The following CAMKMT variants were observed in gnomAD, a reference collection of about 807,000 sequenced individuals.
The protein encoded by CAMKMT is CaM KMT.
Under a neutral mutation model 48.0 loss-of-function variants are expected in CAMKMT, and 53 were observed. That is an observed-to-expected ratio of 1.10 (90% confidence interval 0.89 to 1.39). CAMKMT has a LOEUF of 1.39. Among genes scored for constraint, CAMKMT ranks in the 40% most tolerant of loss-of-function variants. CAMKMT has a pLI of 0.00. For missense variants in CAMKMT, 428 were observed against 402.7 expected (o/e 1.06, Z -0.54); for synonymous variants, 165 against 152.3 (o/e 1.08, Z -0.61).
chr2:44,391,764 C>G (rs533411233), intron 3 of CAMKMT: 1 of 153,096 alleles, frequency 6.5e-6, no homozygotes, highest in Admixed American at 6.5e-5. Flanking sequence ...GAATGACTGT[C>G]TTAGCCTTCT....
intron 4 of CAMKMT, chr2:44,705,181 T>C (rs1677483163): frequency 5.7e-6 from 1 of 174,544 alleles, no homozygotes; most frequent in Non-Finnish European, 1.1e-5. Context: ...CCAACCAGTC[T>C]ACAATTGCTT....
At chr2:44,395,133 T>C in intron 3 of CAMKMT, 3 of 361,864 alleles carry the variant, frequency 8.3e-6, no homozygotes, top group South Asian at 6.2e-5. Flanking sequence ...AGTTTTTCTG[T>C]TTCATTGTTG....
At chr2:44,666,670 G>A (rs72867802) in intron 3 of CAMKMT, among the ~76,000 whole-genome samples, 1,969 of 149,614 alleles carry the variant, frequency 0.013, 21 homozygotes, top group African/African-American at 0.034. Flanking sequence ...GGAATGCAGT[G>A]GCACAGTCTC....
At chr2:44,548,585 T>C (rs1667531785) in intron 3 of CAMKMT, among the ~76,000 whole-genome samples, 1 of 152,188 alleles carries the variant, frequency 6.6e-6, no homozygotes, top group Middle Eastern at 3.2e-3. Flanking sequence ...CAGTTGACCA[T>C]AAAGCAGTGA....
At chr2:44,374,312 G>C (rs1483577734) in intron 2 of CAMKMT, among the ~76,000 whole-genome samples, 1 of 152,108 alleles carries the variant, frequency 6.6e-6, no homozygotes, top group Non-Finnish European at 1.5e-5. Flanking sequence ...TGCTTACTCT[G>C]TGTCAGGTAC....
intron 3 of CAMKMT, among the ~76,000 whole-genome samples, chr2:44,488,980 C>A (rs866677667): frequency 2.0e-5 from 3 of 151,760 alleles, no homozygotes; most frequent in African/African-American, 7.3e-5. Flanking sequence ...ATCCTCCTGT[C>A]CCCCCGTCCT....
intron 2 of CAMKMT, among the ~76,000 whole-genome samples, chr2:44,376,927 G>C (rs786626): frequency 0.53 from 80,046 of 151,894 alleles, 23,453 homozygotes; most frequent in Non-Finnish European, 0.66. Flanking sequence ...CAAATTACGT[G>C]TTGAGAGTTA....
At chr2:44,601,718 A>G (rs992320972) in intron 3 of CAMKMT, among the ~76,000 whole-genome samples, 19 of 151,876 alleles carry the variant, frequency 1.3e-4, no homozygotes, top group Non-Finnish European at 2.8e-4. Flanking sequence ...TAAGACATTG[A>G]ATACCTTTGT....
At chr2:44,723,532 A>C (rs1678596164) in intron 7 of CAMKMT, among the ~76,000 whole-genome samples, 2 of 152,002 alleles carry the variant, frequency 1.3e-5, no homozygotes, top group African/African-American at 4.8e-5. Context: ...CAGAGGTTGC[A>C]GTGAGCGGAG....
intron 7 of CAMKMT, among the ~76,000 whole-genome samples, chr2:44,717,856 A>C (rs1678252393): frequency 6.6e-6 from 1 of 151,956 alleles, no homozygotes; most frequent in Non-Finnish European, 1.5e-5. Flanking sequence ...AAAAAAAAAA[A>C]AAACAAGCTG....
intron 1 of CAMKMT, among the ~76,000 whole-genome samples, chr2:44,370,942 C>G (rs1341331333): frequency 6.6e-6 from 1 of 152,186 alleles, no homozygotes; most frequent in Admixed American, 6.5e-5. Context: ...TCCTGAGTAG[C>G]TAGGACTACA....
chr2:44,672,095 G>C (rs1397051386), intron 3 of CAMKMT, among the ~76,000 whole-genome samples: 1 of 152,046 alleles, frequency 6.6e-6, no homozygotes, highest in African/African-American at 2.4e-5. Flanking sequence ...CTCCCCATCC[G>C]CCTCACTCCC....
In CAMKMT at chr2:44,706,332, T is replaced by A; in HGVS notation, c.483T>A (p.Ala161=). ...CELGGGMTCL[A]GLMVAISADV... ...TAGGGGGTGGCATGACATGCTTGGC[T>A]GGGCTCATGGTAGGTCTTTTCTCCA... Residue 161 remains alanine, a synonymous_variant, in exon 5 of 11, where the codon GCT becomes GCA. Coordinates refer to ENST00000378494, the MANE Select transcript of CAMKMT (RefSeq NM_024766.5). The A allele has an allele frequency of 6.2e-7, 1 of 1,613,460 alleles. No individual in the cohort carries two copies. The highest frequency in any genetic ancestry group is 8.5e-7 in the Non-Finnish European group (1 of 1,179,538).
intron 3 of CAMKMT, among the ~76,000 whole-genome samples, chr2:44,466,890 C>T (rs1668143195): frequency 6.6e-6 from 1 of 152,130 alleles, no homozygotes; most frequent in Non-Finnish European, 1.5e-5. Flanking sequence ...TACACAGCAA[C>T]ACATTTGATA....
intron 3 of CAMKMT, among the ~76,000 whole-genome samples, chr2:44,446,853 A>G (rs1179132128): frequency 6.6e-6 from 1 of 152,086 alleles, no homozygotes; most frequent in Non-Finnish European, 1.5e-5. Flanking sequence ...TACCCACAAG[A>G]TTTGGCCATA....
intron 7 of CAMKMT, among the ~76,000 whole-genome samples, chr2:44,717,613 C>T (rs981614702): frequency 2.6e-5 from 4 of 152,138 alleles, no homozygotes; most frequent in Non-Finnish European, 4.4e-5. Flanking sequence ...CAGAATTTCT[C>T]CTCCAAATTG....
At chr2:44,409,527 G>A (rs1683045766) in intron 3 of CAMKMT, among the ~76,000 whole-genome samples, 1 of 152,012 alleles carries the variant, frequency 6.6e-6, no homozygotes, top group East Asian at 1.9e-4. Context: ...ATTTTGTCAA[G>A]TTTTTATATA....
chr2:44,503,996 A>AGAGAGAGAGT (rs796760055), intron 3 of CAMKMT, among the ~76,000 whole-genome samples: 46 of 151,164 alleles, frequency 3.0e-4, no homozygotes, highest in African/African-American at 1.0e-3. Flanking sequence ...AGAGAGAGAG[A>AGAGAGAGAGT]GAGAGAGAGA....
chr2:44,693,534 C>T (rs2104229353), intron 3 of CAMKMT, among the ~76,000 whole-genome samples: 1 of 152,316 alleles, frequency 6.6e-6, no homozygotes, highest in South Asian at 2.1e-4. Context: ...GTTCTTCCCC[C>T]TCTGGGTCTC....
Sources: gnomAD v4.1 joint callset for allele counts (sites outside exome capture counted in the v4.1 genomes callset) on GRCh38, gnomAD v4.1.1 for gene constraint, MANE v1.5 for transcripts, NCBI Gene and HGNC (gene_info 2026-07-23, HGNC 2026-07-21) for gene names.